The following PTPRN2 variants were observed in gnomAD, a reference collection of about 807,000 sequenced individuals.
The protein encoded by PTPRN2 is protein tyrosine phosphatase receptor type N2.
In PTPRN2, 74 loss-of-function variants were observed where a neutral mutation model predicts 118.8. The observed-to-expected ratio is 0.62, with a 90% CI of 0.52 to 0.76. The LOEUF (loss-of-function observed/expected upper bound fraction) is 0.76, where lower values mean the gene tolerates loss of function less well. Among genes scored for constraint, PTPRN2 ranks in the 30% least tolerant of loss-of-function variants. The pLI is 0.00. For synonymous variants in PTPRN2, 641 were observed against 608.0 expected, an observed-to-expected ratio of 1.05 and a Z score of -0.80; for missense variants, 1,481 against 1,394.4, an observed-to-expected ratio of 1.06 and a Z score of -0.99.
At position 157,892,544 on chromosome 7, in the gene PTPRN2, C is replaced by T. The variant is rs182721477; in HGVS notation, c.1788+6129G>A. Among the ~76,000 whole-genome samples, 993 of 152,198 alleles carry T rather than the reference C, an allele frequency of 6.5e-3. 8 individuals are homozygous for T. Among genetic ancestry groups the T allele is most frequent in the South Asian group, 0.014 (68 of 4,822 alleles). On this transcript the variant is annotated intron_variant, in intron 12 of 22. Coordinates refer to ENST00000389418, the MANE Select transcript of PTPRN2 (RefSeq NM_002847.5). ...TAATTCCACTATCTGTCATCACTTG[C>T]ATTAAACGCAAGCGCAGGGGAGAGA...
intron 11 of PTPRN2, among the ~76,000 whole-genome samples, chr7:157,913,327 T>G (rs977012013): frequency 1.3e-5 from 2 of 152,238 alleles, no homozygotes; most frequent in African/African-American, 4.8e-5. Flanking sequence ...CTGTCTCTTC[T>G]GAGTAAATAA....
At chr7:158,441,330 GTGATGGTGAT>G (rs1817149336) in intron 2 of PTPRN2, among the ~76,000 whole-genome samples, 1 of 148,360 alleles carries the variant, frequency 6.7e-6, no homozygotes, top group Non-Finnish European at 1.5e-5. Flanking sequence ...GAAGGTGATG[GTGATGGTGAT>G]CAGTGATGGT....
chr7:157,728,587 CTT>C (rs1227380950), intron 12 of PTPRN2, among the ~76,000 whole-genome samples: 3 of 152,214 alleles, frequency 2.0e-5, no homozygotes, highest in Non-Finnish European at 4.4e-5. Context: ...GGATTACACT[CTT>C]AACTTATCCA....
At chr7:158,230,940 T>TATAAAG (rs1478636531) in intron 3 of PTPRN2, among the ~76,000 whole-genome samples, 1 of 152,230 alleles carries the variant, frequency 6.6e-6, no homozygotes, top group Non-Finnish European at 1.5e-5. Context: ...CAGCCATATC[T>TATAAAG]ATAAAGATGG....
At chr7:158,164,242 C>G (rs565199592) in intron 6 of PTPRN2, among the ~76,000 whole-genome samples, 1 of 151,462 alleles carries the variant, frequency 6.6e-6, no homozygotes, top group African/African-American at 2.4e-5. Context: ...GCTCGCAGAG[C>G]AGGAGCGCAC....
Position 157,615,688 on chromosome 7 carries a change from C to T in PTPRN2, c.2344+5674G>A, listed in dbSNP as rs1476969535. On this transcript the variant is annotated intron_variant, in intron 15 of 22. Coordinates refer to ENST00000389418, the MANE Select transcript of PTPRN2 (RefSeq NM_002847.5). The surrounding 1 kb of genome is among the most constrained non-coding windows in gnomAD (Gnocchi z 4.3). ...GTGAAAAACATGTTTATAAAACGAG[C>T]AGATGGTGCCGAGCTGAGAGGGAGG... 3 of 449,236 alleles carry T rather than the reference C, an allele frequency of 6.7e-6. No homozygotes were observed. The highest frequency in any genetic ancestry group is 1.4e-5 in the Non-Finnish European group (3 of 214,148). 27.8% of individuals were successfully genotyped at this position (449,236 alleles called of 1,614,324 possible). A position where few individuals can be genotyped will look rare whatever the true frequency, so the allele number is the denominator to read the frequency against.
intron 9 of PTPRN2, among the ~76,000 whole-genome samples, chr7:158,125,801 C>T (rs1817609203): frequency 6.6e-6 from 1 of 152,174 alleles, no homozygotes; most frequent in Non-Finnish European, 1.5e-5. Context: ...GCCAGAAACA[C>T]AGAATCCATC....
At chr7:158,016,371 G>A (rs889142862) in intron 11 of PTPRN2, among the ~76,000 whole-genome samples, 1 of 152,224 alleles carries the variant, frequency 6.6e-6, no homozygotes, top group African/African-American at 2.4e-5. Context: ...GGGCGAGGGG[G>A]AGTGGGCTGT....
chr7:157,805,820 A>G (rs1253381654), intron 12 of PTPRN2, among the ~76,000 whole-genome samples: 1 of 152,220 alleles, frequency 6.6e-6, no homozygotes, highest in African/African-American at 2.4e-5. Context: ...CCTTGGGGAC[A>G]TGGAGTGTCT....
chr7:157,945,550 T>C (rs1001629421), intron 11 of PTPRN2, among the ~76,000 whole-genome samples: 3 of 152,120 alleles, frequency 2.0e-5, no homozygotes, highest in Non-Finnish European at 4.4e-5. Context: ...ACTCGGACAA[T>C]GGCGCCTCCA....
intron 14 of PTPRN2, among the ~76,000 whole-genome samples, chr7:157,631,720 T>C (rs562116477): frequency 6.6e-6 from 1 of 151,586 alleles, no homozygotes; most frequent in East Asian, 2.0e-4. Context: ...TAGTCCCAGC[T>C]ACACAGGAGG....
At chr7:158,144,618 G>A (rs1355348605) in intron 6 of PTPRN2, among the ~76,000 whole-genome samples, 4 of 152,146 alleles carry the variant, frequency 2.6e-5, no homozygotes, top group South Asian at 2.1e-4. Context: ...CAGCCTGGGC[G>A]ATAGAGCGAG....
At chr7:158,470,701 A>C (rs1009823465) in intron 2 of PTPRN2, among the ~76,000 whole-genome samples, 1 of 152,208 alleles carries the variant, frequency 6.6e-6, no homozygotes, top group African/African-American at 2.4e-5. Flanking sequence ...ACAAATGTAT[A>C]CAGTGGGAGG....
In PTPRN2 at chr7:157,596,157, C is replaced by T. The variant is rs1352440458; in HGVS notation, c.2419-842G>A. ...CCTCCAGGCCTCATGGACAAACTTG[C>T]CAGCGTCCTGGGAGAACGAACTAGC... On this transcript the variant is annotated intron_variant, in intron 16 of 22. Coordinates refer to ENST00000389418, the MANE Select transcript of PTPRN2 (RefSeq NM_002847.5). This position sits in a 1 kb window ranked among gnomAD's most constrained non-coding sequence, Gnocchi z 4.2. 6.6e-6 allele frequency among the ~76,000 whole-genome samples: 1 copy of T among 152,228 alleles called. No homozygotes were observed. The highest frequency in any genetic ancestry group is 1.5e-5 in the Non-Finnish European group (1 of 68,044).
At chr7:157,645,165 C>A (rs1315201668) in intron 14 of PTPRN2, among the ~76,000 whole-genome samples, 1 of 152,258 alleles carries the variant, frequency 6.6e-6, no homozygotes. Flanking sequence ...GCCACACTTG[C>A]ACTTGGCAGG....
intron 9 of PTPRN2, among the ~76,000 whole-genome samples, chr7:158,112,528 C>T (rs955372186): frequency 1.2e-4 from 19 of 152,158 alleles, no homozygotes; most frequent in African/African-American, 4.1e-4. Context: ...TCTGGAGGGA[C>T]ATCTGAGGCC....
At chr7:157,805,545 A>G (rs117660696) in intron 12 of PTPRN2, among the ~76,000 whole-genome samples, 2,883 of 152,322 alleles carry the variant, frequency 0.019, 79 homozygotes, top group South Asian at 0.12. Context: ...TTAGACACAT[A>G]GAACATGTAT....
At chr7:158,112,273 C>T (rs1301373395) in intron 9 of PTPRN2, among the ~76,000 whole-genome samples, 1 of 152,208 alleles carries the variant, frequency 6.6e-6, no homozygotes, top group Admixed American at 6.5e-5. Context: ...AGAGGAGAGA[C>T]TGTCTTGTAA....
In PTPRN2 at chr7:157,763,947, C is replaced by T. The variant is rs1219078066; in HGVS notation, c.1789-81010G>A. On this transcript the variant is annotated intron_variant, in intron 12 of 22. Coordinates refer to ENST00000389418, the MANE Select transcript of PTPRN2 (RefSeq NM_002847.5). The surrounding 1 kb of genome is among the most constrained non-coding windows in gnomAD (Gnocchi z 4.9). ...CTAACCTGTGACCATTTTCCAAACA[C>T]TCTCATGTTCGTTTGATCTTCATGA... is the stretch of plus-strand genomic sequence containing the variant. 3.9e-5 allele frequency among the ~76,000 whole-genome samples: 6 copies of T among 152,294 alleles called. No individual in the cohort carries two copies. The highest frequency in any genetic ancestry group is 1.5e-5 in the Non-Finnish European group (1 of 68,028).
Sources: allele counts gnomAD v4.1 joint callset (sites outside exome capture counted in the v4.1 genomes callset), GRCh38; gene constraint gnomAD v4.1.1; non-coding constraint Gnocchi (gnomAD v3.1); transcripts MANE v1.5; gene names NCBI Gene and HGNC (gene_info 2026-07-23, HGNC 2026-07-21).